RRM2: variants seen among roughly 807,000 people sequenced by gnomAD.
The protein encoded by RRM2 is ribonucleotide reductase regulatory subunit M2.
A neutral mutation model predicts 45.9 loss-of-function variants in RRM2; 6 were observed. That is an observed-to-expected ratio of 0.13 (90% confidence interval 0.07 to 0.26). RRM2 has a LOEUF of 0.26. Among genes scored for constraint, RRM2 ranks in the 10% least tolerant of loss-of-function variants. The probability of loss-of-function intolerance (pLI) is 1.00; values close to 1 mark genes in which losing one functional copy is unlikely to be tolerated. For synonymous variants in RRM2, 177 were observed against 173.0 expected, an observed-to-expected ratio of 1.02 and a Z score of -0.18; for missense variants, 343 against 489.5, an observed-to-expected ratio of 0.70 and a Z score of 2.82.
chr2:10,124,205 A>C (rs1248924294), intron 4 of RRM2: 1 of 269,122 alleles, frequency 3.7e-6, no homozygotes, highest in African/African-American at 2.3e-5. Context: ...TCCTGGGTTC[A>C]AGCGATTCCC....
Position 10,146,572 on chromosome 2 carries a change from G to A in RRM2, n.482+4197G>A, listed in dbSNP as rs1229864059. Among the ~76,000 whole-genome samples, 4 of 152,318 alleles carry A rather than the reference G, an allele frequency of 2.6e-5. No individual in the cohort carries two copies. In the East Asian group the frequency reaches 7.7e-4, roughly 29 times the overall value. ...TGGGGGCTGCTAGCCCCCTTGCACT[G>A]GGCAACGCTGTGTCCCCTCTGTCCC... On this transcript the variant is annotated intron_variant and non_coding_transcript_variant, in intron 3 of 3. Transcript: ENST00000381786.
intron 3 of RRM2, among the ~76,000 whole-genome samples, chr2:10,163,521 G>A (rs534792306): frequency 6.6e-6 from 1 of 152,328 alleles, no homozygotes; most frequent in Admixed American, 6.5e-5. Context: ...CAAGTCACAT[G>A]GCCCTCTCGG....
At chr2:10,122,635 G>A (rs571610050), upstream of RRM2, 13 of 1,542,026 alleles carry the variant, frequency 8.4e-6, 1 homozygote, top group East Asian at 9.8e-5. Context: ...AGGGTCGGAG[G>A]CATGGCACAG....
At chr2:10,124,504 G>A (rs541462545) in intron 4 of RRM2, among the ~76,000 whole-genome samples, 2 of 152,178 alleles carry the variant, frequency 1.3e-5, no homozygotes, top group East Asian at 1.9e-4. Context: ...TTAGGAAATC[G>A]AGCGCTCACA....
intron 3 of RRM2, among the ~76,000 whole-genome samples, chr2:10,203,816 T>C (rs1413574160): frequency 6.6e-6 from 1 of 151,902 alleles, no homozygotes. Flanking sequence ...GCACTCCGGC[T>C]CCACCTTGAC....
At chr2:10,142,200 G>C (rs1663097995) in intron 2 of RRM2, 12 of 1,564,202 alleles carry the variant, frequency 7.7e-6, no homozygotes, top group Non-Finnish European at 9.6e-6. Context: ...AGTGGAGTGG[G>C]TGTGTACATG....
At position 10,203,115 on chromosome 2, in the gene RRM2, C is replaced by A. The variant is rs149098330; in HGVS notation, n.483-7196C>A. On this transcript the variant is annotated intron_variant and non_coding_transcript_variant, in intron 3 of 3. Transcript: ENST00000381786. Reference sequence around the variant, plus strand: ...TTCTCCCCTGGAAATATCAGCCATCCATCAGCCAGGGCCAAACACCCACCC... The same window carrying A: ...TTCTCCCCTGGAAATATCAGCCATCAATCAGCCAGGGCCAAACACCCACCC... Among the ~76,000 whole-genome samples the A allele has an allele frequency of 8.5e-4, 129 of 152,348 alleles. 2 individuals are homozygous for A. The highest frequency in any genetic ancestry group is 2.7e-3 in the African/African-American group (112 of 41,578).
At chr2:10,202,698 T>C (rs989481397) in intron 3 of RRM2, among the ~76,000 whole-genome samples, 5 of 152,214 alleles carry the variant, frequency 3.3e-5, no homozygotes, top group African/African-American at 1.2e-4. Flanking sequence ...GTGTCATTTG[T>C]AGTTTATGAT....
At chr2:10,125,325 G>A (rs1407451975) in intron 5 of RRM2, among the ~76,000 whole-genome samples, 4 of 152,206 alleles carry the variant, frequency 2.6e-5, no homozygotes, top group African/African-American at 9.7e-5. Context: ...GAGTTTGGCT[G>A]AATAAAGGTA....
intron 3 of RRM2, among the ~76,000 whole-genome samples, chr2:10,154,419 G>T (rs1347074425): frequency 8.9e-6 from 1 of 112,412 alleles, no homozygotes; most frequent in African/African-American, 3.4e-5. Flanking sequence ...GGTTGGGTGG[G>T]GGGTGGGCGC....
At chr2:10,197,651 G>A (rs1355999085) in intron 3 of RRM2, among the ~76,000 whole-genome samples, 5 of 152,190 alleles carry the variant, frequency 3.3e-5, no homozygotes, top group Non-Finnish European at 5.9e-5. Context: ...ACTGAGTTAC[G>A]TGGCCCCCAG....
chr2:10,193,976 T>C (rs955129217), intron 3 of RRM2, among the ~76,000 whole-genome samples: 3 of 152,170 alleles, frequency 2.0e-5, no homozygotes, highest in African/African-American at 7.2e-5. Context: ...TTTCACAAAT[T>C]AACATAAATC....
chr2:10,157,016 CTTTTTTT>C (rs71391198), intron 3 of RRM2, among the ~76,000 whole-genome samples: 1 of 85,926 alleles, frequency 1.2e-5, no homozygotes, highest in Non-Finnish European at 2.1e-5. Context: ...CAGCCCATTT[CTTTTTTT>C]TTTTTTTTTT....
At chr2:10,126,359 C>T (rs982476379) in intron 5 of RRM2, among the ~76,000 whole-genome samples, 1 of 152,008 alleles carries the variant, frequency 6.6e-6, no homozygotes, top group Middle Eastern at 3.2e-3. Flanking sequence ...GCTTTCCTGA[C>T]CTGGGATCGA....
chr2:10,165,969 C>T (rs145129565), intron 3 of RRM2, among the ~76,000 whole-genome samples: 8 of 152,254 alleles, frequency 5.3e-5, no homozygotes, highest in East Asian at 3.9e-4. Flanking sequence ...GGGCAGCAGC[C>T]GCATCAGAGG....
rs1662789361 is a variant in RRM2, at chr2:10,126,856, T to C, written c.570-19T>C. ...TTTACTGTAATGCTTCAATTGCTGA[T>C]ACCGTATGTGCCTACTAGGGAATTT... is the stretch of plus-strand genomic sequence containing the variant. On this transcript the variant is annotated intron_variant, in intron 5 of 9. Transcript: ENST00000304567. 1 of 1,596,192 alleles carries C rather than the reference T, an allele frequency of 6.3e-7. No individual in the cohort carries two copies. The highest frequency in any genetic ancestry group is 1.7e-5 in the Admixed American group (1 of 58,520).
At position 10,195,734 on chromosome 2, in the gene RRM2, G is replaced by A. The variant is rs993577626; in HGVS notation, n.483-14577G>A. ...AGCAGCAGTGTTCTTGGGCCTCAGG[G>A]ACGTGTCGTGACTGGCTGAAGGCTG... is the stretch of plus-strand genomic sequence containing the variant. On this transcript the variant is annotated intron_variant and non_coding_transcript_variant, in intron 3 of 3. Transcript: ENST00000381786. The surrounding 1 kb of genome is among the most constrained non-coding windows in gnomAD (Gnocchi z 4.9). 2.6e-5 allele frequency among the ~76,000 whole-genome samples: 4 copies of A among 152,180 alleles called. No individual in the cohort carries two copies. The highest frequency in any genetic ancestry group is 9.6e-5 in the African/African-American group (4 of 41,458).
At chr2:10,136,480 C>T (rs1049817448), upstream of RRM2, among the ~76,000 whole-genome samples, 6 of 152,272 alleles carry the variant, frequency 3.9e-5, no homozygotes, top group East Asian at 9.6e-4. Context: ...CCCCCTGTTG[C>T]CCTTTATCAG....
chr2:10,141,810 C>T, intron 1 of RRM2: 2 of 1,549,954 alleles, frequency 1.3e-6, no homozygotes, highest in Non-Finnish European at 1.7e-6. Context: ...GAGGCGGTTG[C>T]TCCAGCATGC....
Sources: allele counts gnomAD v4.1 joint callset (sites outside exome capture counted in the v4.1 genomes callset), GRCh38; gene constraint gnomAD v4.1.1; non-coding constraint Gnocchi (gnomAD v3.1); transcripts MANE v1.5; gene names NCBI Gene and HGNC (gene_info 2026-07-23, HGNC 2026-07-21).